BRWD1: variants seen among roughly 807,000 people sequenced by gnomAD.
BRWD1 encodes the protein bromodomain and WD repeat-containing protein 1.
Under a neutral mutation model 251.2 loss-of-function variants are expected in BRWD1, and 82 were observed. The observed-to-expected ratio is 0.33, with a 90% confidence interval of 0.27 to 0.39. BRWD1 has a LOEUF of 0.39. Ranked by LOEUF, BRWD1 falls within the 10% of genes least tolerant of loss-of-function variation. BRWD1 has a pLI of 1.00. For synonymous variants in BRWD1, 918 were observed against 902.8 expected, an observed-to-expected ratio of 1.02 and a Z score of -0.30; for missense variants, 2,233 against 2,711.6, an observed-to-expected ratio of 0.82 and a Z score of 3.92.
chr21:39,265,143 GC>G, intron 15 of BRWD1, 124 bp from the exon 16 acceptor site: 1 of 1,032,958 alleles, frequency 9.7e-7, no homozygotes, highest in Non-Finnish European at 1.4e-6. Context: ...AAAAGTTTCA[GC>G]CAGGCATGGT....
chr21:39,254,189 C>A (rs1008261554), intron 19 of BRWD1, among the ~76,000 whole-genome samples: 27 of 152,286 alleles, frequency 1.8e-4, no homozygotes, highest in African/African-American at 6.3e-4. Context: ...TCACTTGAAC[C>A]CGGAGGCAGA....
intron 29 of BRWD1, among the ~76,000 whole-genome samples, chr21:39,221,357 G>C (rs1601313269): frequency 1.3e-5 from 2 of 151,986 alleles, no homozygotes; most frequent in East Asian, 3.9e-4. Flanking sequence ...TACTCTATAA[G>C]CATAGCTAAT....
chr21:39,219,001 A>C (rs921538144), intron 29 of BRWD1, among the ~76,000 whole-genome samples: 2 of 151,266 alleles, frequency 1.3e-5, no homozygotes. Context: ...GCTTACATAC[A>C]GTTAAAATTT....
At chr21:39,310,947 A>G (rs148900726) in intron 4 of BRWD1, among the ~76,000 whole-genome samples, 278 of 152,304 alleles carry the variant, frequency 1.8e-3, no homozygotes, top group African/African-American at 6.4e-3. Flanking sequence ...TTCTCTACAC[A>G]TGAGGCTCAT....
intron 1 of BRWD1, among the ~76,000 whole-genome samples, chr21:39,320,756 C>T (rs961103375): frequency 6.6e-6 from 1 of 150,918 alleles, no homozygotes; most frequent in Non-Finnish European, 1.5e-5. Flanking sequence ...CTACACCCTC[C>T]GCCTCCCAGG....
chr21:39,217,785 G>A (rs1431872873), intron 31 of BRWD1, among the ~76,000 whole-genome samples: 2 of 152,198 alleles, frequency 1.3e-5, no homozygotes, highest in East Asian at 1.9e-4. Context: ...ACAAACAACT[G>A]TTTCTTCAAT....
chr21:39,249,061 C>T (rs933091376), intron 20 of BRWD1, among the ~76,000 whole-genome samples: 1 of 152,032 alleles, frequency 6.6e-6, no homozygotes, highest in South Asian at 2.1e-4. Context: ...ATGTCCTTTG[C>T]AGCAACATGG....
At chr21:39,315,425 G>C (rs1181643309), upstream of BRWD1, among the ~76,000 whole-genome samples, 1 of 151,770 alleles carries the variant, frequency 6.6e-6, no homozygotes, top group Non-Finnish European at 1.5e-5. Flanking sequence ...ACGAGGTCAG[G>C]AAATCAAGAC....
intron 25 of BRWD1, among the ~76,000 whole-genome samples, chr21:39,231,414 A>G (rs1331805948): frequency 6.6e-6 from 1 of 152,210 alleles, no homozygotes; most frequent in Non-Finnish European, 1.5e-5. Flanking sequence ...GGCTGTACAT[A>G]GTAAGTGACT....
chr21:39,315,225 A>ATATATATATAT (rs2036675750), upstream of BRWD1, among the ~76,000 whole-genome samples: 1 of 151,152 alleles, frequency 6.6e-6, no homozygotes, highest in African/African-American at 2.4e-5. Flanking sequence ...GCTGGTCTCG[A>ATATATATATAT]ACTCCTGGCC....
At chr21:39,249,030 C>T (rs2034303089) in intron 20 of BRWD1, among the ~76,000 whole-genome samples, 1 of 151,034 alleles carries the variant, frequency 6.6e-6, no homozygotes, top group Admixed American at 6.6e-5. Context: ...TACTACCCAG[C>T]CATAAAAAAA....
intron 14 of BRWD1, 42 bp downstream of exon 14, chr21:39,270,241 T>G (rs778248695): frequency 1.3e-6 from 2 of 1,485,454 alleles, no homozygotes; most frequent in Non-Finnish European, 1.8e-6. Flanking sequence ...CAATCATATT[T>G]CAAAAAATCT....
At chr21:39,295,154 G>A (rs541395372) in intron 7 of BRWD1, among the ~76,000 whole-genome samples, 5 of 149,586 alleles carry the variant, frequency 3.3e-5, no homozygotes, top group Non-Finnish European at 7.4e-5. Flanking sequence ...GTGCTAGAGG[G>A]AAAGTGTTAG....
rs912164452 is a variant in BRWD1, at chr21:39,200,476, A to G, written c.4586-90T>C. The G allele has an allele frequency of 4.7e-6, 5 of 1,052,958 alleles. No individual in the cohort carries two copies. In the African/African-American group the frequency reaches 4.9e-5, roughly 10 times the overall value. 65.2% of individuals were successfully genotyped at this position (1,052,958 alleles called of 1,614,324 possible). A position where few individuals can be genotyped will look rare whatever the true frequency, so the allele number is the denominator to read the frequency against. On this transcript the variant is annotated intron_variant, in intron 38 of 40. Transcript: ENST00000342449. The stretch of plus-strand genomic sequence containing the variant: ...TTCATAACATTACTCTGAACATTAC[A>G]TAACATTACTACAAAAGCAGATTCC...
At chr21:39,218,061 C>A in intron 31 of BRWD1, 91 bp downstream of exon 31, 1 of 1,322,832 alleles carries the variant, frequency 7.6e-7, no homozygotes, top group Non-Finnish European at 1.0e-6. Context: ...TAATCAGCCC[C>A]CAATTCTACC....
At chr21:39,229,502 T>A in intron 25 of BRWD1, 66 bp from the exon 26 acceptor site, 7 of 1,417,124 alleles carry the variant, frequency 4.9e-6, no homozygotes, top group Non-Finnish European at 6.8e-6. Flanking sequence ...ATTCTCCACA[T>A]ACTGTTATAT....
At chr21:39,309,576 G>A (rs2036401011) in intron 4 of BRWD1, among the ~76,000 whole-genome samples, 2 of 151,646 alleles carry the variant, frequency 1.3e-5, no homozygotes, top group African/African-American at 2.4e-5. Flanking sequence ...TGTAATCCCA[G>A]CACTTTGGGA....
chr21:39,300,533 T>A (rs1266811291), intron 4 of BRWD1, among the ~76,000 whole-genome samples: 13 of 152,156 alleles, frequency 8.5e-5, no homozygotes, highest in Admixed American at 8.5e-4. Flanking sequence ...AAGCCAGTGA[T>A]TTACTGAATG....
At position 39,186,842 on chromosome 21, in the gene BRWD1, G is replaced by C. The variant is rs905141046; in HGVS notation, c.*9417C>G. On this transcript the variant is annotated 3_prime_UTR_variant, in exon 41 of 41. Transcript: ENST00000342449. ...GACTCTGCAATTTATTTCCTCCTCAGAATTCCCCAGAGCACATGTCTGTAC... is the reference window on the plus strand; with the variant it reads ...GACTCTGCAATTTATTTCCTCCTCACAATTCCCCAGAGCACATGTCTGTAC... The C allele has an allele frequency of 1.0e-6, 1 of 992,096 alleles. No homozygotes were observed. Among genetic ancestry groups the C allele is most frequent in the African/African-American group, 1.7e-5 (1 of 58,688 alleles). The allele number at this position is 992,096 out of a possible 1,614,324, so 61.5% of individuals were successfully genotyped here.
Sources: gnomAD v4.1 joint callset for allele counts (sites outside exome capture counted in the v4.1 genomes callset) on GRCh38, gnomAD v4.1.1 for gene constraint, MANE v1.5 for transcripts, NCBI Gene and HGNC (gene_info 2026-07-23, HGNC 2026-07-21) for gene names.